TENM1: variants seen among roughly 807,000 people sequenced by gnomAD.
TENM1 encodes the protein teneurin transmembrane protein 1, also known as teneurin-1.
A neutral mutation model predicts 174.8 loss-of-function variants in TENM1; 35 were observed. The ratio of observed to expected loss-of-function variants is 0.20; its 90% confidence interval spans 0.15 to 0.27. TENM1 has a LOEUF of 0.27. Among genes scored for constraint, TENM1 ranks in the 10% least tolerant of loss-of-function variants. The pLI, the probability that TENM1 is intolerant of heterozygous loss-of-function variation, is 1.00. For missense variants in TENM1, 1,633 were observed against 2,130.1 expected (o/e 0.77, Z 4.59); for synonymous variants, 781 against 798.7 (o/e 0.98, Z 0.37).
the TENM1 span, among the ~76,000 whole-genome samples, chrX:125,037,519 T>C: frequency 9.0e-6 from 1 of 111,176 alleles, no homozygotes; most frequent in Non-Finnish European, 1.9e-5. Flanking sequence ...GCTGATATTC[T>C]TAAAGGCCAT....
At chrX:124,389,813 C>T (rs2060263432) in intron 28 of TENM1, among the ~76,000 whole-genome samples, 1 of 111,976 alleles carries the variant, frequency 8.9e-6, no homozygotes, top group Non-Finnish European at 1.9e-5. Flanking sequence ...TTAATAAAAT[C>T]AATTTTATGA....
chrX:125,139,535 A>T, the TENM1 span, among the ~76,000 whole-genome samples: 1 of 111,179 alleles, frequency 9.0e-6, no homozygotes, highest in Non-Finnish European at 1.9e-5. Flanking sequence ...GAACTTGGTG[A>T]TTATGAACTT....
At chrX:125,179,986 T>C in the TENM1 span, among the ~76,000 whole-genome samples, 1 of 102,097 alleles carries the variant, frequency 9.8e-6, no homozygotes, top group Non-Finnish European at 2.0e-5. Flanking sequence ...TACTACCACC[T>C]GGGTGGGCCC....
chrX:124,583,880 T>G (rs796593547), intron 11 of TENM1, among the ~76,000 whole-genome samples: 1,931 of 104,706 alleles, frequency 0.018, 55 homozygotes, highest in African/African-American at 0.065. Context: ...GAGAACTACG[T>G]GAAGAATGCA....
the TENM1 span, among the ~76,000 whole-genome samples, chrX:125,014,395 T>C: frequency 8.9e-6 from 1 of 112,824 alleles, no homozygotes; most frequent in Non-Finnish European, 1.9e-5. Context: ...AAATGGCTGG[T>C]CAACTTAGAG....
At chrX:124,495,263 G>C (rs1473511863) in intron 20 of TENM1, among the ~76,000 whole-genome samples, 1 of 106,183 alleles carries the variant, frequency 9.4e-6, no homozygotes, top group Non-Finnish European at 1.9e-5. Context: ...CTGATGGCCA[G>C]TGATGGTGAG....
the TENM1 span, among the ~76,000 whole-genome samples, chrX:125,001,221 C>T: frequency 1.8e-5 from 2 of 108,943 alleles, no homozygotes; most frequent in South Asian, 7.5e-4. Flanking sequence ...TCTATTCTAA[C>T]TTACAAGGTA....
At chrX:124,874,440 T>C (rs866789796) in intron 3 of TENM1, among the ~76,000 whole-genome samples, 6 of 110,339 alleles carry the variant, frequency 5.4e-5, no homozygotes, top group African/African-American at 1.3e-4. Context: ...TATTACATTA[T>C]TTGGATTTTT....
intron 11 of TENM1, among the ~76,000 whole-genome samples, chrX:124,609,530 C>T (rs976557232): frequency 5.4e-5 from 6 of 111,708 alleles, no homozygotes; most frequent in Non-Finnish European, 1.1e-4. Flanking sequence ...GCCAACAAGC[C>T]TTTTAACATG....
the TENM1 span, among the ~76,000 whole-genome samples, chrX:125,067,942 AAGACACATGTTCAAAGGCAG>A: frequency 3.6e-5 from 4 of 111,867 alleles, no homozygotes; most frequent in East Asian, 8.4e-4. Context: ...AATGCTTTGA[AAGACACATGTTCAAAGGCAG>A]AGTAAGAGCT....
chrX:124,910,563 T>A (rs2057820559), intron 1 of TENM1, among the ~76,000 whole-genome samples: 1 of 112,033 alleles, frequency 8.9e-6, no homozygotes. Flanking sequence ...AGTGATTTGA[T>A]AGTATATTGA....
the TENM1 span, among the ~76,000 whole-genome samples, chrX:125,168,679 A>C: frequency 1.8e-4 from 20 of 110,967 alleles, no homozygotes; most frequent in African/African-American, 6.5e-4. Flanking sequence ...GAAGCAGCAG[A>C]GACTATCGGT....
chrX:124,688,270 T>C (rs935365014), intron 5 of TENM1, among the ~76,000 whole-genome samples: 1 of 108,170 alleles, frequency 9.2e-6, no homozygotes, highest in Non-Finnish European at 1.9e-5. Flanking sequence ...CTTCCCTTTT[T>C]TTTCTTTTCT....
chrX:124,938,141 C>T (rs2058274166), intron 1 of TENM1, among the ~76,000 whole-genome samples: 1 of 111,679 alleles, frequency 9.0e-6, no homozygotes, highest in Admixed American at 9.5e-5. Context: ...CAATATAAAC[C>T]TATAAATGTC....
chrX:124,465,952 T>C (rs781147413), intron 22 of TENM1, among the ~76,000 whole-genome samples: 1 of 112,122 alleles, frequency 8.9e-6, no homozygotes, highest in East Asian at 2.8e-4. Context: ...GTGAATGTGG[T>C]TCTTTTTCTA....
chrX:125,077,377 T>C, the TENM1 span, among the ~76,000 whole-genome samples: 2 of 111,067 alleles, frequency 1.8e-5, no homozygotes, highest in African/African-American at 6.5e-5. Context: ...AATTAAGACC[T>C]TAGCTCTAAT....
In TENM1 at chrX:124,604,912, T is replaced by C. The variant is rs184639496; in HGVS notation, c.2077+36879A>G. On this transcript the variant is annotated intron_variant, in intron 11 of 31. Coordinates refer to ENST00000422452, the Ensembl canonical transcript of TENM1. ...TTTAAATAGACGACGTTTATGAAAG[T>C]AGTACACTGACTGGCATATATTATT... Among the ~76,000 whole-genome samples the C allele has an allele frequency of 3.2e-3, 353 of 109,142 alleles. 1 individual carries two copies. The highest frequency in any genetic ancestry group is 0.011 in the African/African-American group (337 of 30,098). 94.8% of individuals were successfully genotyped at this position (109,142 alleles called of 115,157 possible). A position where few individuals can be genotyped will look rare whatever the true frequency, so the allele number is the denominator to read the frequency against.
At chrX:125,144,995 A>G in the TENM1 span, among the ~76,000 whole-genome samples, 1 of 109,779 alleles carries the variant, frequency 9.1e-6, no homozygotes, top group Admixed American at 9.7e-5. Context: ...TTATCTGCCC[A>G]CCTCAGCCTC....
chrX:124,392,615 C>T (rs2060294759), intron 27 of TENM1, among the ~76,000 whole-genome samples: 1 of 111,968 alleles, frequency 8.9e-6, no homozygotes, highest in African/African-American at 3.3e-5. Flanking sequence ...CAGCTCAAGC[C>T]TTAAGTGCAG....
Sources: allele counts gnomAD v4.1 joint callset (sites outside exome capture counted in the v4.1 genomes callset), GRCh38; gene constraint gnomAD v4.1.1; transcripts MANE v1.5; gene names NCBI Gene and HGNC (gene_info 2026-07-23, HGNC 2026-07-21).